Variants in ANO2 observed in about 807,000 individuals in gnomAD.
ANO2 encodes the protein anoctamin-2.
ANO2 carries 101 observed loss-of-function variants against 124.2 expected under a neutral mutation model. The ratio of observed to expected loss-of-function variants is 0.81; its 90% confidence interval spans 0.69 to 0.96. The LOEUF is 0.96. Ranked by LOEUF, ANO2 falls within the 40% of genes least tolerant of loss-of-function variation. The pLI is 0.00. For synonymous variants in ANO2, 486 were observed against 482.5 expected (o/e 1.01, Z -0.09); for missense variants, 1,293 against 1,274.5 (o/e 1.01, Z -0.22).
intron 1 of ANO2, among the ~76,000 whole-genome samples, chr12:5,931,121 A>C (rs1018766778): frequency 3.3e-5 from 5 of 151,638 alleles, no homozygotes; most frequent in African/African-American, 1.2e-4. Flanking sequence ...AGTTAGTCCC[A>C]CTCTGTGGTT....
chr12:5,591,663 A>G (rs1943401380), intron 20 of ANO2, among the ~76,000 whole-genome samples: 1 of 152,158 alleles, frequency 6.6e-6, no homozygotes, highest in Non-Finnish European at 1.5e-5. Flanking sequence ...TAGGGGAAAA[A>G]TCTCCTTTAG....
intron 10 of ANO2, among the ~76,000 whole-genome samples, chr12:5,796,621 G>A (rs902641114): frequency 1.3e-5 from 2 of 152,180 alleles, no homozygotes; most frequent in African/African-American, 2.4e-5. Context: ...AGGCAGGATC[G>A]GGAGGAGAGC....
intron 1 of ANO2, among the ~76,000 whole-genome samples, chr12:5,928,409 C>A (rs1377807801): frequency 2.0e-5 from 2 of 99,846 alleles, no homozygotes; most frequent in South Asian, 5.9e-4. Flanking sequence ...TCCTTCCTCA[C>A]TAGTCTACTT....
At chr12:5,627,451 C>T (rs1945473946) in intron 16 of ANO2, among the ~76,000 whole-genome samples, 2 of 152,238 alleles carry the variant, frequency 1.3e-5, no homozygotes, top group Admixed American at 1.3e-4. Flanking sequence ...CCATTCCCCT[C>T]TGCAGCCCAC....
At chr12:5,710,117 C>T (rs1949758640) in intron 14 of ANO2, among the ~76,000 whole-genome samples, 1 of 152,166 alleles carries the variant, frequency 6.6e-6, no homozygotes, top group African/African-American at 2.4e-5. Flanking sequence ...ACAAGTTATT[C>T]CTGCAGATGG....
intron 3 of ANO2, among the ~76,000 whole-genome samples, chr12:5,867,983 G>T (rs923713067): frequency 6.6e-6 from 1 of 151,978 alleles, no homozygotes; most frequent in Non-Finnish European, 1.5e-5. Context: ...GAAAAAATAA[G>T]ACATAGTATT....
chr12:5,727,257 T>C (rs766650707), intron 14 of ANO2, among the ~76,000 whole-genome samples: 11 of 152,072 alleles, frequency 7.2e-5, no homozygotes, highest in African/African-American at 2.4e-4. Flanking sequence ...ACCTCCCCTA[T>C]AACTCACTCC....
At chr12:5,723,498 C>T (rs977349616) in intron 14 of ANO2, among the ~76,000 whole-genome samples, 6 of 151,860 alleles carry the variant, frequency 4.0e-5, no homozygotes, top group African/African-American at 1.5e-4. Flanking sequence ...ATCCATTTCT[C>T]TTCTCCTACT....
intron 16 of ANO2, among the ~76,000 whole-genome samples, chr12:5,629,412 T>C (rs1945587900): frequency 6.6e-6 from 1 of 152,214 alleles, no homozygotes; most frequent in South Asian, 2.1e-4. Context: ...CCTATAGTTT[T>C]CCTGCTCCCA....
chr12:5,729,795 G>A (rs546619261), intron 14 of ANO2, among the ~76,000 whole-genome samples: 5 of 151,576 alleles, frequency 3.3e-5, no homozygotes, highest in South Asian at 4.2e-4. Context: ...ATAAAATGAA[G>A]CAGATCCACA....
intron 12 of ANO2, among the ~76,000 whole-genome samples, 194 bp downstream of exon 12, chr12:5,743,963 G>A (rs765376744): frequency 6.6e-6 from 1 of 152,170 alleles, no homozygotes; most frequent in Non-Finnish European, 1.5e-5. Flanking sequence ...AACAGATAAA[G>A]ACATGAAGGA....
At chr12:5,761,958 G>A (rs1249500903) in intron 10 of ANO2, among the ~76,000 whole-genome samples, 2 of 152,096 alleles carry the variant, frequency 1.3e-5, no homozygotes, top group Non-Finnish European at 2.9e-5. Context: ...AATAATTTGA[G>A]ATAATGACTA....
chr12:5,605,858 G>A (rs971808673), intron 19 of ANO2, among the ~76,000 whole-genome samples: 1 of 152,136 alleles, frequency 6.6e-6, no homozygotes, highest in Non-Finnish European at 1.5e-5. Context: ...ATCTCAGAAG[G>A]AGATGCGTAT....
At chr12:5,802,370 A>G (rs1953067647) in intron 9 of ANO2, among the ~76,000 whole-genome samples, 1 of 152,244 alleles carries the variant, frequency 6.6e-6, no homozygotes, top group Admixed American at 6.5e-5. Flanking sequence ...GCAGCCCCTG[A>G]AACAGACAGC....
chr12:5,748,076 G>A (rs547199944), intron 11 of ANO2, among the ~76,000 whole-genome samples: 131 of 152,266 alleles, frequency 8.6e-4, no homozygotes, highest in Admixed American at 2.0e-3. Context: ...GAATGTGGGT[G>A]TGTGCGTCTG....
chr12:5,838,630 T>C (rs1416256725), intron 4 of ANO2, among the ~76,000 whole-genome samples: 3 of 152,172 alleles, frequency 2.0e-5, no homozygotes, highest in African/African-American at 7.2e-5. Flanking sequence ...CTGCCTCTCC[T>C]TCACCGCAAG....
chr12:5,570,138 T>C (rs12311765), intron 23 of ANO2, among the ~76,000 whole-genome samples: 1 of 152,246 alleles, frequency 6.6e-6, no homozygotes, highest in East Asian at 1.9e-4. Context: ...TAGATTGTTC[T>C]AACTTTGTGA....
intron 12 of ANO2, among the ~76,000 whole-genome samples, chr12:5,742,130 G>A (rs1311701117): frequency 3.3e-5 from 5 of 151,936 alleles, no homozygotes; most frequent in South Asian, 4.2e-4. Context: ...ACTCCACACC[G>A]CCCCTTCCGC....
chr12:5,604,907 C>CTT (rs11373701), intron 19 of ANO2, among the ~76,000 whole-genome samples: 318 of 146,708 alleles, frequency 2.2e-3, no homozygotes, highest in Middle Eastern at 0.011. Context: ...CCTTGCTTTT[C>CTT]TTTTTTTTTT....
Sources: gnomAD v4.1 joint callset for allele counts (sites outside exome capture counted in the v4.1 genomes callset) on GRCh38, gnomAD v4.1.1 for gene constraint, MANE v1.5 for transcripts, NCBI Gene and HGNC (gene_info 2026-07-23, HGNC 2026-07-21) for gene names.